Variants in ADAMTSL1 observed in about 807,000 individuals in gnomAD.
ADAMTSL1 encodes the protein ADAMTS like 1.
In ADAMTSL1, 126 loss-of-function variants were observed where a neutral mutation model predicts 201.8. That is an observed-to-expected ratio of 0.62 (90% CI 0.54 to 0.72). ADAMTSL1 has a LOEUF of 0.72. Among genes scored for constraint, ADAMTSL1 ranks in the 30% least tolerant of loss-of-function variants. ADAMTSL1 has a pLI of 0.00. For missense variants in ADAMTSL1, 2,679 were observed against 2,277.8 expected (o/e 1.18, Z -3.59); for synonymous variants, 1,121 against 903.4 (o/e 1.24, Z -4.32).
At chr9:18,428,671 TAGA>T (rs1819344665) in intron 2 of ADAMTSL1, among the ~76,000 whole-genome samples, 1 of 152,134 alleles carries the variant, frequency 6.6e-6, no homozygotes, top group Non-Finnish European at 1.5e-5. Context: ...AGCATGTAAA[TAGA>T]AGAAGGCAAA....
At chr9:18,681,565 G>T in intron 11 of ADAMTSL1, 4 of 268,378 alleles carry the variant, frequency 1.5e-5, no homozygotes, top group Non-Finnish European at 2.8e-5. Flanking sequence ...CTTAAAGATT[G>T]CTGACTGATT....
chr9:17,949,504 C>T (rs1291809781), intron 1 of ADAMTSL1, among the ~76,000 whole-genome samples: 1 of 152,166 alleles, frequency 6.6e-6, no homozygotes, highest in Non-Finnish European at 1.5e-5. Context: ...AGAGGGCTGG[C>T]TGATTGGAGT....
At chr9:18,805,819 A>C (rs550479450) in intron 20 of ADAMTSL1, among the ~76,000 whole-genome samples, 1 of 152,174 alleles carries the variant, frequency 6.6e-6, no homozygotes, top group Non-Finnish European at 1.5e-5. Flanking sequence ...TCAGGATCTC[A>C]AACCTGTTTG....
In ADAMTSL1 at chr9:17,996,634, C is replaced by T. The variant is rs145985957; in HGVS notation, c.87+89712C>T. Among the ~76,000 whole-genome samples, 211 of 152,136 alleles carry T rather than the reference C, an allele frequency of 1.4e-3. No homozygotes were observed. The Middle Eastern group carries it at 0.017, about 12-fold the overall frequency. On this transcript the variant is annotated intron_variant, in intron 1 of 29. Transcript: ENST00000680146. The stretch of plus-strand genomic sequence containing the variant: ...TTCCCATATTGAATCCCAAAGTGCT[C>T]TCAGCTGCTGTTAGTTGCCAACCCT...
At chr9:18,580,053 GAAA>G (rs945872441) in intron 4 of ADAMTSL1, among the ~76,000 whole-genome samples, 6 of 152,024 alleles carry the variant, frequency 3.9e-5, no homozygotes, top group African/African-American at 1.4e-4. Context: ...TATGTCAAAA[GAAA>G]AAGTATGATT....
intron 2 of ADAMTSL1, among the ~76,000 whole-genome samples, chr9:18,337,350 G>A (rs1017100496): frequency 6.6e-6 from 1 of 152,034 alleles, no homozygotes; most frequent in Non-Finnish European, 1.5e-5. Context: ...GGACTTGGAC[G>A]GGCTTCCTTA....
chr9:18,126,765 A>G (rs1047772771), intron 1 of ADAMTSL1, among the ~76,000 whole-genome samples: 8 of 152,212 alleles, frequency 5.3e-5, no homozygotes, highest in African/African-American at 1.9e-4. Flanking sequence ...TTATCCAAAC[A>G]GGTCTGTAGT....
chr9:18,659,067 C>G (rs1828895134), intron 8 of ADAMTSL1, among the ~76,000 whole-genome samples: 1 of 152,154 alleles, frequency 6.6e-6, no homozygotes. Context: ...AATTATATGT[C>G]TATTCTTTTG....
chr9:17,971,588 A>G (rs1818207735), intron 1 of ADAMTSL1, among the ~76,000 whole-genome samples: 1 of 152,058 alleles, frequency 6.6e-6, no homozygotes, highest in Admixed American at 6.6e-5. Flanking sequence ...AAACATTTAT[A>G]TGACTTTATG....
intron 19 of ADAMTSL1, among the ~76,000 whole-genome samples, chr9:18,794,979 T>C (rs1822310674): frequency 6.6e-6 from 1 of 152,174 alleles, no homozygotes; most frequent in Non-Finnish European, 1.5e-5. Context: ...CCTACGTTCT[T>C]TCAACCATCC....
At chr9:18,289,140 T>A (rs56762314) in intron 2 of ADAMTSL1, among the ~76,000 whole-genome samples, 1,460 of 91,618 alleles carry the variant, frequency 0.016, 25 homozygotes, top group African/African-American at 0.056. Flanking sequence ...TGTCTGTCTA[T>A]CTATCTATCT....
In ADAMTSL1 at chr9:18,777,308, C is replaced by A. The variant is rs780928061; in HGVS notation, c.3079C>A (p.Arg1027=). ...GAGCCGCTACGACGACCTCGTCTCC[C>A]GGCTGCTGGAGCAGGGCGGCTGGCC... ...PGSRYDDLVS[R]LLEQGGWPGE... The change falls in exon 19 of 29, where the codon CGG becomes AGG. Residue 1027 remains arginine, a synonymous_variant. Coordinates refer to ENST00000380548, the MANE Select transcript of ADAMTSL1 (RefSeq NM_001040272.6). 8 of 1,603,318 alleles carry A rather than the reference C, an allele frequency of 5.0e-6. No individual in the cohort carries two copies. In the South Asian group the frequency reaches 8.9e-5, roughly 18 times the overall value.
At chr9:17,978,922 G>A (rs1474729675) in intron 1 of ADAMTSL1, among the ~76,000 whole-genome samples, 1 of 150,636 alleles carries the variant, frequency 6.6e-6, no homozygotes, top group Non-Finnish European at 1.5e-5. Flanking sequence ...TCCTTCATTT[G>A]AAATACAGCT....
At chr9:18,815,972 A>G (rs1228882277) in intron 20 of ADAMTSL1, among the ~76,000 whole-genome samples, 1 of 152,140 alleles carries the variant, frequency 6.6e-6, no homozygotes, top group Non-Finnish European at 1.5e-5. Flanking sequence ...CGTATCCAAC[A>G]CTTCTTATAT....
chr9:18,119,123 G>A (rs1488264178), intron 1 of ADAMTSL1, among the ~76,000 whole-genome samples: 6 of 151,880 alleles, frequency 4.0e-5, no homozygotes, highest in South Asian at 2.1e-4. Context: ...TTGTGAGAAC[G>A]GTATGAACTA....
At chr9:17,948,647 G>A (rs1385295593) in intron 1 of ADAMTSL1, among the ~76,000 whole-genome samples, 3 of 152,148 alleles carry the variant, frequency 2.0e-5, no homozygotes, top group African/African-American at 4.8e-5. Flanking sequence ...GTTACAGCCC[G>A]AGTGTCTCCC....
intron 23 of ADAMTSL1, among the ~76,000 whole-genome samples, chr9:18,845,029 C>T (rs144708356): frequency 0.031 from 4,658 of 152,284 alleles, 127 homozygotes; most frequent in Non-Finnish European, 0.04. Context: ...GGCTCATGCA[C>T]GGTGCACTGC....
chr9:18,696,393 G>T (rs778591337), intron 13 of ADAMTSL1, among the ~76,000 whole-genome samples: 1 of 152,172 alleles, frequency 6.6e-6, no homozygotes, highest in Non-Finnish European at 1.5e-5. Context: ...GTAGTAACTG[G>T]GGGAAAATGG....
In ADAMTSL1 at chr9:17,931,001, C is replaced by T. The variant is rs564915992; in HGVS notation, c.87+24079C>T. On this transcript the variant is annotated intron_variant, in intron 1 of 29. Coordinates refer to the ADAMTSL1 transcript ENST00000680146. ...AACCAATGTGCTATTTTCGTTCCCA[C>T]ATCACCTGATAAGTCCTAGTCTTTT... 1.2e-4 allele frequency among the ~76,000 whole-genome samples: 18 copies of T among 152,294 alleles called. No homozygotes were observed. In the East Asian group the frequency reaches 3.3e-3, roughly 28 times the overall value.
Sources: gnomAD v4.1 joint callset for allele counts (sites outside exome capture counted in the v4.1 genomes callset) on GRCh38, gnomAD v4.1.1 for gene constraint, MANE v1.5 for transcripts, NCBI Gene and HGNC (gene_info 2026-07-23, HGNC 2026-07-21) for gene names.